Variants in GALNTL6 observed in about 807,000 individuals in gnomAD.
The protein encoded by GALNTL6 is polypeptide N-acetylgalactosaminyltransferase-like 6.
GALNTL6 carries 46 observed loss-of-function variants against 73.7 expected under a neutral mutation model. That is an observed-to-expected ratio of 0.62 (90% CI 0.49 to 0.80). GALNTL6 has a LOEUF of 0.80. GALNTL6 is among the 30% of genes least tolerant of loss of function. The pLI, the probability that GALNTL6 is intolerant of heterozygous loss-of-function variation, is 0.00. For synonymous variants in GALNTL6, 259 were observed against 263.7 expected (o/e 0.98, Z 0.17); for missense variants, 604 against 755.0 (o/e 0.80, Z 2.34).
intron 5 of GALNTL6, among the ~76,000 whole-genome samples, chr4:172,703,256 C>T (rs948333543): frequency 6.6e-6 from 1 of 151,954 alleles, no homozygotes; most frequent in Non-Finnish European, 1.5e-5. Flanking sequence ...GGAAAGTGGA[C>T]CTCTTTGCCT....
chr4:171,955,929 A>G (rs181503862), intron 2 of GALNTL6, among the ~76,000 whole-genome samples: 6 of 152,310 alleles, frequency 3.9e-5, no homozygotes, highest in African/African-American at 1.4e-4. Flanking sequence ...TATTAGCTGC[A>G]AAGTATTATA....
chr4:172,651,413 C>T (rs1740471149), intron 5 of GALNTL6, among the ~76,000 whole-genome samples: 1 of 152,208 alleles, frequency 6.6e-6, no homozygotes, highest in Admixed American at 6.5e-5. Context: ...AATTATACTT[C>T]ATGAAGGCAG....
chr4:172,501,253 A>G (rs939171120), intron 5 of GALNTL6, among the ~76,000 whole-genome samples: 11 of 152,212 alleles, frequency 7.2e-5, no homozygotes, highest in Admixed American at 2.0e-4. Context: ...TATTTCTTAC[A>G]ACTGCAAGTG....
At chr4:172,449,467 T>A (rs1732135574) in intron 5 of GALNTL6, among the ~76,000 whole-genome samples, 1 of 152,180 alleles carries the variant, frequency 6.6e-6, no homozygotes, top group South Asian at 2.1e-4. Flanking sequence ...CCTTCCAGAC[T>A]ACCTGTGATT....
chr4:172,559,386 G>T (rs1736268724), intron 5 of GALNTL6, among the ~76,000 whole-genome samples: 1 of 152,060 alleles, frequency 6.6e-6, no homozygotes, highest in Non-Finnish European at 1.5e-5. Flanking sequence ...TTAAGTCATA[G>T]AATTTTATGG....
chr4:172,614,777 G>A (rs376404311), intron 5 of GALNTL6, among the ~76,000 whole-genome samples: 1 of 152,158 alleles, frequency 6.6e-6, no homozygotes, highest in South Asian at 2.1e-4. Context: ...AGCATCGTAA[G>A]CCTAATAAGG....
intron 5 of GALNTL6, among the ~76,000 whole-genome samples, chr4:172,496,930 A>C (rs1327054089): frequency 6.6e-6 from 1 of 152,218 alleles, no homozygotes; most frequent in East Asian, 1.9e-4. Flanking sequence ...GATTATTTAA[A>C]CATGAAAAAT....
chr4:171,849,734 G>A (rs921925197), intron 2 of GALNTL6, among the ~76,000 whole-genome samples: 3 of 152,054 alleles, frequency 2.0e-5, no homozygotes, highest in South Asian at 2.1e-4. Flanking sequence ...ATTTTTTCTC[G>A]TAAAGGAAGA....
chr4:172,242,839 A>G (rs28706799), intron 3 of GALNTL6, among the ~76,000 whole-genome samples: 57,760 of 152,092 alleles, frequency 0.38, 11,172 homozygotes, highest in Non-Finnish European at 0.41. Context: ...GTTTATTGGC[A>G]CTGCGGCCAT....
chr4:172,704,547 T>C (rs191875349), intron 5 of GALNTL6, among the ~76,000 whole-genome samples: 1 of 152,150 alleles, frequency 6.6e-6, no homozygotes, highest in Admixed American at 6.6e-5. Flanking sequence ...TTTATTCAAT[T>C]ATGGTCAGAA....
At chr4:172,856,824 C>A (rs546873119) in intron 7 of GALNTL6, among the ~76,000 whole-genome samples, 1 of 152,194 alleles carries the variant, frequency 6.6e-6, no homozygotes, top group Non-Finnish European at 1.5e-5. Context: ...GAAAATGTCA[C>A]TGTGCCTCTG....
At chr4:172,251,971 G>A (rs1051568680) in intron 3 of GALNTL6, among the ~76,000 whole-genome samples, 1 of 152,086 alleles carries the variant, frequency 6.6e-6, no homozygotes, top group Non-Finnish European at 1.5e-5. Flanking sequence ...AAGTATAGAA[G>A]CAGATGATCA....
chr4:172,617,622 G>A (rs1486348741), intron 5 of GALNTL6, among the ~76,000 whole-genome samples: 15 of 151,108 alleles, frequency 9.9e-5, no homozygotes, highest in Admixed American at 1.3e-4. Context: ...GACTACAGGC[G>A]CCCGCCACCA....
chr4:173,039,991 A>G lies in GALNTL6; in HGVS notation c.1697A>G (p.Lys566Arg), dbSNP rs745423532. ...NSCMDCNPAE[K>R]KIFMARCDPL... Reference sequence around the variant, plus strand: ...TGCATGGATTGCAACCCCGCAGAGAAGAAGATTTTCATGGCCAGATGTGAC... The same window carrying G: ...TGCATGGATTGCAACCCCGCAGAGAGGAAGATTTTCATGGCCAGATGTGAC... Residue 566 changes from lysine to arginine, a missense_variant, in exon 13 of 13, where the codon AAG becomes AGG. Transcript: ENST00000506823. 21 of 1,613,828 alleles carry G rather than the reference A, an allele frequency of 1.3e-5. No individual in the cohort carries two copies. The highest frequency in any genetic ancestry group is 1.8e-5 in the Non-Finnish European group (21 of 1,179,808).
chr4:171,925,998 T>A (rs935951971), intron 2 of GALNTL6, among the ~76,000 whole-genome samples: 5 of 142,204 alleles, frequency 3.5e-5, no homozygotes, highest in Admixed American at 3.4e-4. Flanking sequence ...TCTGAAATTT[T>A]ACAAAAATAT....
At chr4:172,287,386 C>G (rs1739299988) in intron 3 of GALNTL6, among the ~76,000 whole-genome samples, 1 of 152,132 alleles carries the variant, frequency 6.6e-6, no homozygotes, top group African/African-American at 2.4e-5. Flanking sequence ...TCATTTGATC[C>G]TTAATTAAAA....
At position 172,645,714 on chromosome 4, in the gene GALNTL6, G is replaced by T. The variant is rs915284248; in HGVS notation, c.554-163647G>T. Among the ~76,000 whole-genome samples, 3 of 151,806 alleles carry T rather than the reference G, an allele frequency of 2.0e-5. No homozygotes were observed. The South Asian group carries it at 6.2e-4, about 31-fold the overall frequency. On this transcript the variant is annotated intron_variant, in intron 5 of 12. Coordinates refer to ENST00000506823, the MANE Select transcript of GALNTL6 (RefSeq NM_001034845.3). ...TGGAATTCTTAATAAGAAAATGAAG[G>T]TCCCTCCAAAATAGGTAAATGTATA...
At chr4:172,798,965 A>C (rs932763184) in intron 5 of GALNTL6, among the ~76,000 whole-genome samples, 2 of 152,210 alleles carry the variant, frequency 1.3e-5, no homozygotes, top group African/African-American at 4.8e-5. Flanking sequence ...TTAAAGATTA[A>C]AGGGACTACT....
At chr4:172,112,828 T>C (rs1293031170) in intron 2 of GALNTL6, among the ~76,000 whole-genome samples, 1 of 151,886 alleles carries the variant, frequency 6.6e-6, no homozygotes, top group African/African-American at 2.4e-5. Context: ...AGAGATTCCT[T>C]ACCCTTTTAA....
Sources: gnomAD v4.1 joint callset for allele counts (sites outside exome capture counted in the v4.1 genomes callset) on GRCh38, gnomAD v4.1.1 for gene constraint, MANE v1.5 for transcripts, NCBI Gene and HGNC (gene_info 2026-07-23, HGNC 2026-07-21) for gene names.